FAM83A: variants seen among roughly 807,000 people sequenced by gnomAD.
The protein encoded by FAM83A is protein FAM83A.
A neutral mutation model predicts 24.4 loss-of-function variants in FAM83A; 21 were observed. That is an observed-to-expected ratio of 0.86 (90% CI 0.61 to 1.24). FAM83A has a LOEUF of 1.24. Among genes scored for constraint, FAM83A ranks in the 50% most tolerant of loss-of-function variants. FAM83A has a pLI of 0.00. For synonymous variants in FAM83A, 270 were observed against 252.4 expected, an observed-to-expected ratio of 1.07 and a Z score of -0.66; for missense variants, 617 against 579.8, an observed-to-expected ratio of 1.06 and a Z score of -0.66.
chr8:123,194,086 T>C (rs114620864), exon 3 of FAM83A: 211 of 1,614,232 alleles, frequency 1.3e-4, no homozygotes, highest in African/African-American at 6.4e-4. Context: ...GGAAATTCGC[T>C]GGCCAAATCC....
At chr8:123,208,898 A>AG in exon 4 of FAM83A, 1 of 968,526 alleles carries the variant, frequency 1.0e-6, no homozygotes, top group Non-Finnish European at 1.2e-6. Context: ...CAGGAAGCAG[A>AG]GGTTGCAATG....
intron 3 of FAM83A, among the ~76,000 whole-genome samples, chr8:123,205,125 A>T (rs532272675): frequency 3.0e-4 from 46 of 152,314 alleles, no homozygotes; most frequent in South Asian, 1.9e-3. Context: ...AAAAAATTTT[A>T]AAAGAAAAGA....
At chr8:123,208,071 A>G (rs183326986) in exon 4 of FAM83A, 12 of 1,037,318 alleles carry the variant, frequency 1.2e-5, no homozygotes, top group Non-Finnish European at 9.3e-6. Flanking sequence ...AGAGGCACTG[A>G]GAGATAGATG....
chr8:123,208,257 G>C (rs1410541373), exon 4 of FAM83A: 2 of 985,470 alleles, frequency 2.0e-6, no homozygotes, highest in African/African-American at 3.5e-5. Flanking sequence ...TGAATTAGGG[G>C]TGAGGCCCCA....
At chr8:123,183,421 C>T (rs987467124) in intron 1 of FAM83A, 85 bp downstream of exon 1, 26 of 1,527,452 alleles carry the variant, frequency 1.7e-5, no homozygotes, top group Non-Finnish European at 1.8e-5. Context: ...GTGCATTTTG[C>T]TCCCAGGGCG....
At chr8:123,194,085 C>A in exon 3 of FAM83A, 1 of 1,614,214 alleles carries the variant, frequency 6.2e-7, no homozygotes. Flanking sequence ...AGGAAATTCG[C>A]TGGCCAAATC....
chr8:123,193,256 G>T (rs974995035), intron 2 of FAM83A, among the ~76,000 whole-genome samples: 2 of 152,146 alleles, frequency 1.3e-5, no homozygotes, highest in African/African-American at 4.8e-5. Flanking sequence ...ACCTCCTCTG[G>T]CTGCACCGAG....
At chr8:123,198,301 G>A (rs1296917281) in intron 3 of FAM83A, among the ~76,000 whole-genome samples, 4 of 152,076 alleles carry the variant, frequency 2.6e-5, no homozygotes, top group African/African-American at 9.7e-5. Flanking sequence ...GGACCCACTA[G>A]CTGCATTGCA....
chr8:123,192,054 C>G (rs571659196), intron 2 of FAM83A, 84 bp downstream of exon 2: 3 of 1,473,670 alleles, frequency 2.0e-6, no homozygotes, highest in Admixed American at 1.9e-5. Flanking sequence ...TGTCCCTCAT[C>G]TTGTGTTAAT....
intron 3 of FAM83A, chr8:123,199,785 T>C (rs1824287802): frequency 1.3e-5 from 2 of 153,846 alleles, no homozygotes; most frequent in African/African-American, 4.8e-5. Flanking sequence ...GAAAGTATAC[T>C]AATTTTTTTA....
chr8:123,190,163 C>T (rs1467581175), intron 1 of FAM83A, among the ~76,000 whole-genome samples: 2 of 131,708 alleles, frequency 1.5e-5, no homozygotes, highest in Non-Finnish European at 3.3e-5. Flanking sequence ...CCCATGTCTA[C>T]AGAAAAAAAA....
intron 3 of FAM83A, among the ~76,000 whole-genome samples, chr8:123,195,029 G>A (rs915861812): frequency 2.0e-5 from 3 of 152,048 alleles, no homozygotes; most frequent in Admixed American, 6.6e-5. Context: ...TCTCAGTGGC[G>A]GCGCTAGGGA....
chr8:123,191,642 C>A (rs190538867), intron 1 of FAM83A, among the ~76,000 whole-genome samples, 161 bp from the exon 2 acceptor site: 2 of 152,174 alleles, frequency 1.3e-5, no homozygotes, highest in Non-Finnish European at 2.9e-5. Context: ...CCTTTTCCTT[C>A]CATTAATCCT....
intron 3 of FAM83A, among the ~76,000 whole-genome samples, chr8:123,205,206 A>G (rs554749851): frequency 6.6e-6 from 1 of 152,230 alleles, no homozygotes; most frequent in African/African-American, 2.4e-5. Flanking sequence ...GCACAGTGCA[A>G]TCGGGGACAC....
chr8:123,199,825 G>T (rs1201207012), intron 3 of FAM83A: 1 of 153,984 alleles, frequency 6.5e-6, no homozygotes, highest in African/African-American at 2.4e-5. Flanking sequence ...GGAAGTAAGG[G>T]CCCTTCCTGT....
chr8:123,190,986 C>A (rs149299969), intron 1 of FAM83A, among the ~76,000 whole-genome samples: 1 of 152,318 alleles, frequency 6.6e-6, no homozygotes, highest in East Asian at 1.9e-4. Context: ...ATGTGACCAC[C>A]TCTGGACCAA....
At chr8:123,202,809 G>A (rs1824406066) in intron 3 of FAM83A, 1 of 152,330 alleles carries the variant, frequency 6.6e-6, no homozygotes, top group Admixed American at 6.6e-5. Flanking sequence ...GGTAAAGGAT[G>A]TTCTGGAAAT....
At position 123,183,051 on chromosome 8, in the gene FAM83A, G is replaced by C. The variant is rs375760298; in HGVS notation, c.195G>C (p.Ser65=). ...AAGGCGAGGTGGACTTCTTGTCCTC[G>C]GTGGAGGCCCAGTACATCCAGGCCC... Residue 65 remains serine, a synonymous_variant, in exon 1 of 4, where the codon TCG becomes TCC. Transcript: ENST00000690554. 1.9e-6 allele frequency: 3 copies of C among 1,612,452 alleles called. No individual in the cohort carries two copies. In the African/African-American group the frequency reaches 4.0e-5, roughly 22 times the overall value.
rs1399935137 is a variant in FAM83A at position 123,200,968 on chromosome 8, A to AT, written c.774-6189_774-6188insT. 6.0e-3 allele frequency among the ~76,000 whole-genome samples: 836 copies of AT among 138,954 alleles called. 5 individuals are homozygous for AT. Among genetic ancestry groups the AT allele is most frequent in the Middle Eastern group, 0.011 (3 of 274 alleles). 91.2% of individuals were successfully genotyped at this position (138,954 alleles called of 152,430 possible). A position where few individuals can be genotyped will look rare whatever the true frequency, so the allele number is the denominator to read the frequency against. On this transcript the variant is annotated intron_variant, in intron 3 of 3. Coordinates refer to ENST00000690554, the Ensembl canonical transcript of FAM83A. ...CTCAAACAAATAAACAAAAAAAAAA[A>AT]ATATATATATATATATACACATATA... is the stretch of plus-strand genomic sequence containing the variant.
Sources: allele counts gnomAD v4.1 joint callset (sites outside exome capture counted in the v4.1 genomes callset), GRCh38; gene constraint gnomAD v4.1.1; transcripts MANE v1.5; gene names NCBI Gene and HGNC (gene_info 2026-07-23, HGNC 2026-07-21).